The following TRAF7 variants were observed in gnomAD, a reference collection of about 807,000 sequenced individuals.
TRAF7 encodes TNF receptor associated factor 7.
Under a neutral mutation model 89.3 loss-of-function variants are expected in TRAF7, and 45 were observed. The ratio of observed to expected loss-of-function variants is 0.50; its 90% CI spans 0.40 to 0.65. The LOEUF (loss-of-function observed/expected upper bound fraction) is 0.65, where lower values mean the gene tolerates loss of function less well. TRAF7 is among the 30% of genes least tolerant of loss of function. TRAF7 has a pLI of 0.00. For missense variants in TRAF7, 677 were observed against 918.1 expected (o/e 0.74, Z 3.39); for synonymous variants, 406 against 369.2 (o/e 1.10, Z -1.14).
Position 2,168,436 on chromosome 16 carries a change from G to A in TRAF7, c.231+268G>A, listed in dbSNP as rs2093095584. Reference sequence around the variant, plus strand: ...TGCAGGCCAGGATGAGGCATATTTGGCTCCATCTTAAGGGAGGTGGAAACC... The same window carrying A: ...TGCAGGCCAGGATGAGGCATATTTGACTCCATCTTAAGGGAGGTGGAAACC... On this transcript the variant is annotated intron_variant, in intron 4 of 20. Coordinates refer to ENST00000326181, the MANE Select transcript of TRAF7 (RefSeq NM_032271.3). This position sits in a 1 kb window ranked among gnomAD's most constrained non-coding sequence, Gnocchi z 4.1. The A allele has an allele frequency of 4.6e-6, 2 of 438,108 alleles. No homozygotes were observed. The highest frequency in any genetic ancestry group is 4.1e-5 in the African/African-American group (2 of 49,326). The allele number at this position is 438,108 out of a possible 1,614,324, so 27.1% of individuals were successfully genotyped here.
intron 1 of TRAF7, among the ~76,000 whole-genome samples, chr16:2,157,499 G>T (rs1313675333): frequency 6.6e-6 from 1 of 152,216 alleles, no homozygotes; most frequent in African/African-American, 2.4e-5. Flanking sequence ...GATTGGTGGG[G>T]CTCCTGCCCC....
Position 2,170,654 on chromosome 16 carries a change from C to G in TRAF7, c.272C>G (p.Ser91Cys). 2 of 1,610,662 alleles carry G rather than the reference C, an allele frequency of 1.2e-6. No individual in the cohort carries two copies. The highest frequency in any genetic ancestry group is 1.7e-6 in the Non-Finnish European group (2 of 1,178,870). ...CCCCGCCGCTCCGACTCCGCCATCTCTGTCCGCTCCCTGCACTCAGAGTCC... is the reference window on the plus strand; with the variant it reads ...CCCCGCCGCTCCGACTCCGCCATCTGTGTCCGCTCCCTGCACTCAGAGTCC... ...STPRRSDSAI[S>C]VRSLHSESSM... Residue 91 changes from serine to cysteine, a missense_variant, in exon 5 of 21, where the codon TCT becomes TGT. Physicochemically the swap from Ser to Cys is moderately radical, Grantham distance 112. Transcript: ENST00000326181.
At chr16:2,164,635 G>A (rs1408994555) in intron 2 of TRAF7, among the ~76,000 whole-genome samples, 9 of 137,944 alleles carry the variant, frequency 6.5e-5, no homozygotes, top group East Asian at 4.6e-4. Flanking sequence ...TGCGTGGCGC[G>A]GCCTGGTCGC....
chr16:2,170,587 C>G (rs757866955), intron 4 of TRAF7, 27 bp from the exon 5 acceptor site: 2 of 1,589,674 alleles, frequency 1.3e-6, no homozygotes, highest in East Asian at 4.6e-5. Flanking sequence ...GCGGAGCCCC[C>G]CGACAGGCGC....
chr16:2,172,310 A>C lies in TRAF7; in HGVS notation c.595A>C (p.Lys199Gln), dbSNP rs1390431572. The change falls in exon 8 of 21, where the codon AAG (lysine) becomes CAG (glutamine). Residue 199 changes from lysine to glutamine, a missense_variant. By Grantham distance (53) the Lys-to-Gln change is moderately conservative. This residue lies in a region of TRAF7 where 238 missense variants were observed against 352.6 expected (regional missense o/e 0.67). Coordinates refer to ENST00000326181, the MANE Select transcript of TRAF7 (RefSeq NM_032271.3). ...CGGCTGCCGGGTAGCGGGCAGCGGG[A>C]AGCCCCCCATCTTTGAGGTGGACCC... ...RHGCRVAGSG[K>Q]PPIFEVDPRG... 1.9e-6 allele frequency: 3 copies of C among 1,612,586 alleles called. No individual in the cohort carries two copies. Among genetic ancestry groups the C allele is most frequent in the East Asian group, 4.5e-5 (2 of 44,854 alleles).
intron 2 of TRAF7, 146 bp downstream of exon 2, chr16:2,164,147 T>TGC (rs1179127535): frequency 3.6e-6 from 2 of 557,846 alleles, no homozygotes; most frequent in Admixed American, 3.6e-5. Flanking sequence ...GTGGTGTGTG[T>TGC]GTGTGTGTGT....
At position 2,163,838 on chromosome 16, in the gene TRAF7, C is replaced by T; in HGVS notation, c.-38-45C>T. Reference sequence around the variant, plus strand: ...CAGCAGCCCGTCTGACTCACAGGGGCCTGGGCTCCATCTCTCAAGCCCCTC... The same window carrying T: ...CAGCAGCCCGTCTGACTCACAGGGGTCTGGGCTCCATCTCTCAAGCCCCTC... On this transcript the variant is annotated intron_variant, in intron 1 of 20. Coordinates refer to ENST00000326181, the MANE Select transcript of TRAF7 (RefSeq NM_032271.3). This position sits in a 1 kb window ranked among gnomAD's most constrained non-coding sequence, Gnocchi z 4.3. The T allele has an allele frequency of 7.9e-7, 1 of 1,271,356 alleles. No individual in the cohort carries two copies. Among genetic ancestry groups the T allele is most frequent in the Admixed American group, 1.9e-5 (1 of 52,028 alleles). The allele number at this position is 1,271,356 out of a possible 1,614,324, so 78.8% of individuals were successfully genotyped here.
At position 2,172,567 on chromosome 16, in the gene TRAF7, C is replaced by G; in HGVS notation, c.762C>G (p.Cys254Trp). The G allele has an allele frequency of 6.4e-7, 1 of 1,558,200 alleles. No homozygotes were observed. The highest frequency in any genetic ancestry group is 8.7e-7 in the Non-Finnish European group (1 of 1,151,864). The change falls in exon 9 of 21, where the codon TGC becomes TGG. Residue 254 changes from cysteine (C) to tryptophan (W), a missense_variant. Physicochemically the swap from Cys to Trp is radical, Grantham distance 215. This residue lies in a region of TRAF7 where 238 missense variants were observed against 352.6 expected (regional missense o/e 0.67). Coordinates refer to ENST00000326181, the MANE Select transcript of TRAF7 (RefSeq NM_032271.3). ...RMNLEAHLKECEHIKCPHSKY... is the reference protein window; with the variant it reads ...RMNLEAHLKEWEHIKCPHSKY... ...ACCTGGAGGCCCACCTCAAGGAGTG[C>G]GAGCACATCAAATGCCCCCACTCCA...
rs2093097486 is a variant in TRAF7, at chr16:2,168,882, G to T, written c.231+714G>T. 6.6e-6 allele frequency among the ~76,000 whole-genome samples: 1 copy of T among 152,180 alleles called. No individual in the cohort carries two copies. The highest frequency in any genetic ancestry group is 1.5e-5 in the Non-Finnish European group (1 of 68,038). Reference sequence around the variant, plus strand: ...GCATGAAGGACTGGCCCAGCAGGGGGTGGGGGTGTGTGGGGCCTCTCTGGC... The same window carrying T: ...GCATGAAGGACTGGCCCAGCAGGGGTTGGGGGTGTGTGGGGCCTCTCTGGC... On this transcript the variant is annotated intron_variant, in intron 4 of 20. Transcript: ENST00000326181. This position sits in a 1 kb window ranked among gnomAD's most constrained non-coding sequence, Gnocchi z 4.1.
chr16:2,176,228 G>A lies in TRAF7; in HGVS notation c.1879-37G>A. The stretch of plus-strand genomic sequence containing the variant: ...CAGGAGGCTCAGAGGGCTGGCAGCT[G>A]AGCTCCGGCGGGCCCTCACGTCCCA... On this transcript the variant is annotated intron_variant, in intron 19 of 20. Coordinates refer to ENST00000326181, the MANE Select transcript of TRAF7 (RefSeq NM_032271.3). 6 of 1,600,488 alleles carry A rather than the reference G, an allele frequency of 3.7e-6. No individual in the cohort carries two copies. The South Asian group carries it at 5.5e-5, about 15-fold the overall frequency.
At position 2,175,343 on chromosome 16, in the gene TRAF7, G is replaced by GCCCATGACAACCCGGTGTGCAC; in HGVS notation, c.1430_1451dup (p.Leu485ProfsTer2). The GCCCATGACAACCCGGTGTGCAC allele has an allele frequency of 6.2e-7, 1 of 1,613,546 alleles. No individual in the cohort carries two copies. Among genetic ancestry groups the GCCCATGACAACCCGGTGTGCAC allele is most frequent in the Non-Finnish European group, 8.5e-7 (1 of 1,179,994 alleles). On this transcript the variant is annotated frameshift_variant, in exon 16 of 21. Transcript: ENST00000326181. LOFTEE classifies it high-confidence loss of function. ...CCTGCAGAAGGTGAACACCATCCGG[G>GCCCATGACAACCCGGTGTGCAC]CCCATGACAACCCGGTGTGCACGCT...
At chr16:2,171,743 C>T (rs748901456) in intron 7 of TRAF7, 138 bp downstream of exon 7, 15 of 1,320,424 alleles carry the variant, frequency 1.1e-5, no homozygotes, top group African/African-American at 2.9e-5. Context: ...GGGCTGCAGC[C>T]GTCCTAGGGA....
intron 17 of TRAF7, 94 bp from the exon 18 acceptor site, chr16:2,175,740 G>C: frequency 3.1e-6 from 5 of 1,589,682 alleles, no homozygotes; most frequent in Non-Finnish European, 4.3e-6. Flanking sequence ...GGCTGGGTGG[G>C]TGGGCTGCCC....
At chr16:2,173,899 C>T (rs1380646995) in intron 12 of TRAF7, 22 bp from the exon 13 acceptor site, 9 of 1,571,222 alleles carry the variant, frequency 5.7e-6, no homozygotes, top group Non-Finnish European at 7.8e-6. Flanking sequence ...TGGGCCTTCA[C>T]CCACTGCTCC....
Position 2,171,602 on chromosome 16 carries a change from T to G in TRAF7, c.472T>G (p.Ser158Ala). 1 of 1,613,218 alleles carries G rather than the reference T, an allele frequency of 6.2e-7. No individual in the cohort carries two copies. Among genetic ancestry groups the G allele is most frequent in the Non-Finnish European group, 8.5e-7 (1 of 1,179,902 alleles). ...GTTCTGTAGGAGATGCGCCTTGAAGTCAGGTAGGTTTGTGCCCCGGCCCAG... is the reference window on the plus strand; with the variant it reads ...GTTCTGTAGGAGATGCGCCTTGAAGGCAGGTAGGTTTGTGCCCCGGCCCAG... ...HTFCRRCALK[S>A]EKCPVDNVKL... The change falls in exon 7 of 21, where the codon TCA (serine) becomes GCA (alanine). Residue 158 changes from serine (S) to alanine (A), a missense_variant. Physicochemically the swap from Ser to Ala is moderately conservative, Grantham distance 99 (BLOSUM62 1). Around this residue, in one of 6 missense-constraint regions of TRAF7, gnomAD observed 238 missense variants for 352.6 expected, o/e 0.67. Transcript: ENST00000326181.
At chr16:2,172,706 G>C in intron 9 of TRAF7, 107 bp downstream of exon 9, 1 of 1,327,944 alleles carries the variant, frequency 7.5e-7, no homozygotes. Context: ...CGGAGCTGGG[G>C]CCACACCGGG....
chr16:2,172,234 C>T lies in TRAF7; in HGVS notation c.519C>T (p.Asn173=), dbSNP rs755576282. 3 of 1,613,100 alleles carry T rather than the reference C, an allele frequency of 1.9e-6. No homozygotes were observed. The change falls in exon 8 of 21, where the codon AAC becomes AAT. Residue 173 remains asparagine (N), a synonymous_variant. Coordinates refer to ENST00000326181, the MANE Select transcript of TRAF7 (RefSeq NM_032271.3). The part of the protein sequence containing the change: ...VDNVKLTVVV[N]NIAVAEQIGE... ...ACGTCAAACTGACCGTGGTGGTGAACAACATCGCGGTGGCCGAGCAGATCG... is the reference window on the plus strand; with the variant it reads ...ACGTCAAACTGACCGTGGTGGTGAATAACATCGCGGTGGCCGAGCAGATCG...
At chr16:2,164,381 C>T (rs1167809109) in intron 2 of TRAF7, among the ~76,000 whole-genome samples, 11 of 141,084 alleles carry the variant, frequency 7.8e-5, no homozygotes, top group African/African-American at 1.6e-4. Context: ...GTTAGTGCTG[C>T]GTGGTGCGGC....
intron 2 of TRAF7, 149 bp downstream of exon 2, chr16:2,164,150 G>A (rs1330082479): frequency 1.7e-6 from 1 of 586,640 alleles, no homozygotes; most frequent in Non-Finnish European, 2.9e-6. Context: ...GTGTGTGTGT[G>A]TGTGTGTGTG....
Sources: allele counts gnomAD v4.1 joint callset (sites outside exome capture counted in the v4.1 genomes callset), GRCh38; gene constraint gnomAD v4.1.1; regional missense constraint gnomAD v4.1.1; non-coding constraint Gnocchi (gnomAD v3.1); transcripts MANE v1.5; gene names NCBI Gene and HGNC (gene_info 2026-07-23, HGNC 2026-07-21).